Variants in NEDD4L observed in about 807,000 individuals in gnomAD.
NEDD4L encodes the protein NEDD4 like E3 ubiquitin protein ligase.
NEDD4L carries 54 observed loss-of-function variants against 148.9 expected under a neutral mutation model. The ratio of observed to expected loss-of-function variants is 0.36; its 90% CI spans 0.29 to 0.45. The LOEUF (loss-of-function observed/expected upper bound fraction) is 0.45, where lower values mean the gene tolerates loss of function less well. NEDD4L is among the 20% of genes least tolerant of loss of function. The probability of loss-of-function intolerance (pLI) is 1.00; values close to 1 mark genes in which losing one functional copy is unlikely to be tolerated. For synonymous variants in NEDD4L, 433 were observed against 440.7 expected (o/e 0.98, Z 0.22); for missense variants, 856 against 1,233.8 (o/e 0.69, Z 4.59).
In NEDD4L at chr18:58,357,134, T is replaced by C. The variant is rs574004935; in HGVS notation, c.1709-60T>C. 67 of 1,455,442 alleles carry C rather than the reference T, an allele frequency of 4.6e-5. No homozygotes were observed. In the South Asian group the frequency reaches 7.8e-4, roughly 17 times the overall value. 90.2% of individuals were successfully genotyped at this position (1,455,442 alleles called of 1,614,324 possible). ...AAATACTTCCTTCCAAAACTTTCTTTACATAGAATAGATTTGAACTAATGT... is the reference window on the plus strand; with the variant it reads ...AAATACTTCCTTCCAAAACTTTCTTCACATAGAATAGATTTGAACTAATGT... On this transcript the variant is annotated intron_variant, in intron 18 of 30. Coordinates refer to ENST00000400345, the MANE Select transcript of NEDD4L (RefSeq NM_001144967.3).
chr18:58,061,029 G>A (rs531309917), intron 1 of NEDD4L, among the ~76,000 whole-genome samples: 1 of 152,234 alleles, frequency 6.6e-6, no homozygotes, highest in African/African-American at 2.4e-5. Context: ...CAAAGTGCTG[G>A]GATTACAGGC....
intron 2 of NEDD4L, among the ~76,000 whole-genome samples, chr18:58,210,817 G>A (rs1330493392): frequency 6.6e-6 from 1 of 152,128 alleles, no homozygotes; most frequent in Non-Finnish European, 1.5e-5. Flanking sequence ...TATTATTTAT[G>A]AAAGTAAATG....
At chr18:58,232,661 G>C (rs1404103034) in intron 2 of NEDD4L, among the ~76,000 whole-genome samples, 1 of 152,154 alleles carries the variant, frequency 6.6e-6, no homozygotes, top group African/African-American at 2.4e-5. Context: ...GTTGATTATA[G>C]TTTTTTCTTT....
chr18:58,316,187 T>C (rs933525299), intron 6 of NEDD4L, among the ~76,000 whole-genome samples, 155 bp downstream of exon 6: 2 of 152,142 alleles, frequency 1.3e-5, no homozygotes, highest in African/African-American at 4.8e-5. Context: ...TGGAAAGTGG[T>C]CCTTTCAAGG....
At chr18:58,330,987 T>C in intron 11 of NEDD4L, 73 bp downstream of exon 11, 1 of 1,471,314 alleles carries the variant, frequency 6.8e-7, no homozygotes, top group Non-Finnish European at 9.4e-7. Flanking sequence ...GGAGAATCTC[T>C]TACGTAAATA....
intron 4 of NEDD4L, among the ~76,000 whole-genome samples, chr18:58,251,579 A>ACACG (rs767745387): frequency 3.3e-5 from 5 of 152,098 alleles, no homozygotes; most frequent in Non-Finnish European, 7.4e-5. Context: ...ACACACACAC[A>ACACG]CACAGATACA....
At chr18:58,104,757 A>G (rs781129965) in intron 1 of NEDD4L, among the ~76,000 whole-genome samples, 6 of 152,016 alleles carry the variant, frequency 3.9e-5, no homozygotes, top group South Asian at 2.1e-4. Flanking sequence ...CCTTTTCATC[A>G]CTAACATTGT....
chr18:58,124,685 A>T (rs1257773365), intron 1 of NEDD4L, among the ~76,000 whole-genome samples: 1 of 152,104 alleles, frequency 6.6e-6, no homozygotes, highest in African/African-American at 2.4e-5. Context: ...TCACCACCAC[A>T]TCCTGCCCAC....
chr18:58,110,777 T>C (rs1285150046), intron 1 of NEDD4L, among the ~76,000 whole-genome samples: 1 of 152,260 alleles, frequency 6.6e-6, no homozygotes, highest in East Asian at 1.9e-4. Flanking sequence ...TTTCCTTAGC[T>C]ACAAATCAGT....
intron 5 of NEDD4L, among the ~76,000 whole-genome samples, chr18:58,286,881 T>C (rs2053982197): frequency 6.6e-6 from 1 of 152,184 alleles, no homozygotes; most frequent in Non-Finnish European, 1.5e-5. Flanking sequence ...ATTTTCATGA[T>C]TTGAGAGTCA....
At chr18:58,124,314 G>A (rs1303435262) in intron 1 of NEDD4L, among the ~76,000 whole-genome samples, 3 of 152,174 alleles carry the variant, frequency 2.0e-5, no homozygotes, top group African/African-American at 4.8e-5. Context: ...ATCTTCCTCC[G>A]CCTGCGGTGC....
At chr18:58,186,612 A>G (rs768773854) in intron 2 of NEDD4L, among the ~76,000 whole-genome samples, 1 of 152,258 alleles carries the variant, frequency 6.6e-6, no homozygotes, top group South Asian at 2.1e-4. Flanking sequence ...TAATTAAATC[A>G]TAGTCATCAA....
Position 58,396,479 on chromosome 18 carries a change from G to A in NEDD4L, c.*210G>A. 6.1e-6 allele frequency: 3 copies of A among 491,542 alleles called. No individual in the cohort carries two copies. In the South Asian group the frequency reaches 6.7e-5, roughly 11 times the overall value. The allele number at this position is 491,542 out of a possible 1,614,324, so 30.4% of individuals were successfully genotyped here. On this transcript the variant is annotated 3_prime_UTR_variant, in exon 31 of 31. Transcript: ENST00000400345. ...CCTTTCCCACCACAAATTATCAACT[G>A]GTTGATGTGTACACTAATTACATTT... is the stretch of plus-strand genomic sequence containing the variant.
intron 2 of NEDD4L, among the ~76,000 whole-genome samples, chr18:58,230,090 G>C (rs920549850): frequency 6.6e-6 from 1 of 152,138 alleles, no homozygotes; most frequent in Middle Eastern, 3.2e-3. Context: ...AAGAATGTAA[G>C]CAACTGGAAA....
chr18:58,284,548 G>A (rs1263785081), intron 5 of NEDD4L, among the ~76,000 whole-genome samples: 1 of 142,388 alleles, frequency 7.0e-6, no homozygotes, highest in Non-Finnish European at 1.5e-5. Context: ...GATGGTGGTG[G>A]CAGAGGGAGA....
intron 9 of NEDD4L, among the ~76,000 whole-genome samples, chr18:58,326,914 C>A (rs902834071): frequency 6.6e-6 from 1 of 152,128 alleles, no homozygotes; most frequent in African/African-American, 2.4e-5. Context: ...GATGGCTCCA[C>A]AGGTGTAGAC....
intron 1 of NEDD4L, among the ~76,000 whole-genome samples, chr18:58,124,937 C>T (rs2030761208): frequency 6.6e-6 from 1 of 152,188 alleles, no homozygotes; most frequent in African/African-American, 2.4e-5. Context: ...GGGTCTTACA[C>T]TGTCACCCAA....
chr18:58,281,505 G>T (rs1195598908), intron 5 of NEDD4L, among the ~76,000 whole-genome samples: 1 of 151,878 alleles, frequency 6.6e-6, no homozygotes, highest in Non-Finnish European at 1.5e-5. Context: ...CTACCACATG[G>T]TCCCCTTCTT....
chr18:58,082,102 A>ATAT, intron 1 of NEDD4L, among the ~76,000 whole-genome samples: 66 of 48,832 alleles, frequency 1.4e-3, no homozygotes, highest in African/African-American at 5.0e-3. Flanking sequence ...ATATATATAT[A>ATAT]TTTTTTTTTT....
Sources: allele counts gnomAD v4.1 joint callset (sites outside exome capture counted in the v4.1 genomes callset), GRCh38; gene constraint gnomAD v4.1.1; transcripts MANE v1.5; gene names NCBI Gene and HGNC (gene_info 2026-07-23, HGNC 2026-07-21).